The following ERCC6L variants were observed in gnomAD, a reference collection of about 807,000 sequenced individuals.
ERCC6L encodes the protein ERCC excision repair 6 like, spindle assembly checkpoint helicase.
ERCC6L carries 7 observed loss-of-function variants against 20.1 expected under a neutral mutation model. That is an observed-to-expected ratio of 0.35 (90% confidence interval 0.20 to 0.65). The LOEUF is 0.65. ERCC6L is among the 30% of genes least tolerant of loss of function. ERCC6L has a pLI of 0.69. For missense variants in ERCC6L, 592 were observed against 892.4 expected (o/e 0.66, Z 4.29); for synonymous variants, 278 against 331.3 (o/e 0.84, Z 1.75).
At chrX:72,208,816 G>A (rs1003607995) in intron 1 of ERCC6L, 118 bp from the exon 2 acceptor site, 6 of 577,878 alleles carry the variant, frequency 1.0e-5, no homozygotes, top group African/African-American at 2.3e-5. Flanking sequence ...CTCAATTCAG[G>A]ATGGGAAAGA....
At chrX:72,224,213 CTGT>C (rs2042941848) in intron 1 of ERCC6L, among the ~76,000 whole-genome samples, 1 of 111,420 alleles carries the variant, frequency 9.0e-6, no homozygotes, top group Non-Finnish European at 1.9e-5. Context: ...TCATAATTTT[CTGT>C]TGTTGGCATG....
intron 1 of ERCC6L, among the ~76,000 whole-genome samples, chrX:72,215,267 G>T (rs887977108): frequency 3.9e-4 from 44 of 111,550 alleles, no homozygotes; most frequent in African/African-American, 1.4e-3. Flanking sequence ...CACTTTCTGG[G>T]GTGATAATAG....
At chrX:72,237,275 T>C (rs1260303472) in intron 1 of ERCC6L, among the ~76,000 whole-genome samples, 3 of 111,362 alleles carry the variant, frequency 2.7e-5, no homozygotes, top group East Asian at 2.8e-4. Flanking sequence ...GGCAGGAGGA[T>C]TGCTTGAACT....
intron 1 of ERCC6L, among the ~76,000 whole-genome samples, chrX:72,216,977 G>A (rs1317766681): frequency 2.7e-5 from 3 of 112,410 alleles, no homozygotes; most frequent in Non-Finnish European, 5.6e-5. Context: ...TTTCTGCTGA[G>A]GAACATTGGC....
intron 1 of ERCC6L, among the ~76,000 whole-genome samples, chrX:72,218,618 C>T (rs1351692262): frequency 1.8e-5 from 2 of 109,397 alleles, no homozygotes; most frequent in Non-Finnish European, 3.8e-5. Flanking sequence ...CTCAACCTCC[C>T]GAGCAGCTGG....
chrX:72,205,281 C>T lies in ERCC6L; in HGVS notation c.3486G>A (p.Thr1162=), dbSNP rs147364154. 6.6e-6 allele frequency: 8 copies of T among 1,210,362 alleles called. No individual in the cohort carries two copies. The highest frequency in any genetic ancestry group is 5.2e-5 in the African/African-American group (3 of 57,298). ...CTTGAGCTAGAGCACTAGGCTTAGA[C>T]GTCATTAACCAGCTGGACTTGTTTT... The part of the protein sequence containing the change: ...SSENKSSWLM[T]SKPSALAQET... The change falls in exon 2 of 2, where the codon ACG becomes ACA. Residue 1162 remains threonine (T), a synonymous_variant. Transcript: ENST00000334463.
intron 1 of ERCC6L, among the ~76,000 whole-genome samples, chrX:72,233,670 C>T (rs1232306917): frequency 2.9e-5 from 3 of 102,097 alleles, no homozygotes; most frequent in East Asian, 3.4e-4. Flanking sequence ...TACAGTGAGC[C>T]GAGATTGCGC....
chrX:72,205,034 T>C lies in ERCC6L; in HGVS notation c.3733A>G (p.Lys1245Glu). Residue 1245 changes from lysine (K) to glutamate (E), a missense_variant, in exon 2 of 2, where the codon AAG becomes GAG. Lys to Glu is a moderately conservative substitution (Grantham distance 56). Around this residue, in one of 3 missense-constraint regions of ERCC6L, gnomAD observed 352 missense variants for 402.6 expected, o/e 0.87. Transcript: ENST00000334463. Reference sequence around the variant, plus strand: ...CATTCTCAATTGTTATTAAGTTGCTTATACAAACTTAAAGTCAAGAGCATA... The same window carrying C: ...CATTCTCAATTGTTATTAAGTTGCTCATACAAACTTAAAGTCAAGAGCATA... ...EVMLLTLSLY[K>E]QLNNN 2 of 1,197,075 alleles carry C rather than the reference T, an allele frequency of 1.7e-6. No individual in the cohort carries two copies. Among genetic ancestry groups the C allele is most frequent in the Non-Finnish European group, 2.3e-6 (2 of 887,845 alleles).
chrX:72,207,770 C>T lies in ERCC6L; in HGVS notation c.997G>A (p.Val333Ile), dbSNP rs746565139. ...PYFLRRTKED[V>I]QKKKSSNPEA... is the part of the protein sequence containing the mutation. The stretch of plus-strand genomic sequence containing the variant: ...GGGTTGCTTGACTTTTTCTTCTGTA[C>T]GTCTTCTTTAGTCCTCCTGAGAAAA... The change falls in exon 2 of 2, where the codon GTA (valine) becomes ATA (isoleucine). Residue 333 changes from valine to isoleucine, a missense_variant. Physicochemically the swap from Val to Ile is conservative, Grantham distance 29. Around this residue, in one of 3 missense-constraint regions of ERCC6L, gnomAD observed 196 missense variants for 440.1 expected, o/e 0.45. Transcript: ENST00000334463. The T allele has an allele frequency of 3.3e-6, 4 of 1,209,009 alleles. No individual in the cohort carries two copies. The highest frequency in any genetic ancestry group is 3.5e-5 in the South Asian group (2 of 56,641).
chrX:72,204,871 G>A lies in ERCC6L; in HGVS notation c.*143C>T. 2.4e-6 allele frequency: 1 copy of A among 417,652 alleles called. No homozygotes were observed. Among genetic ancestry groups the A allele is most frequent in the Non-Finnish European group, 4.0e-6 (1 of 249,649 alleles). The allele number at this position is 417,652 out of a possible 1,213,427, so 34.4% of individuals were successfully genotyped here. A position where few individuals can be genotyped will look rare whatever the true frequency, so the allele number is the denominator to read the frequency against. The stretch of plus-strand genomic sequence containing the variant: ...TCAGAATACCAGACTATGGAGTGGG[G>A]GGCGTTGCAGGGCAGAAGTTGCTTT... On this transcript the variant is annotated 3_prime_UTR_variant, in exon 2 of 2. Transcript: ENST00000334463.
In ERCC6L at chrX:72,205,800, T is replaced by C. The variant is rs775828642; in HGVS notation, c.2967A>G (p.Arg989=). The part of the protein sequence containing the change: ...NSLCGSAPNS[R]AGFVHSKTCL... ...ATGTTTTGCTATGCACAAACCCTGC[T>C]CTGGAATTAGGTGCAGAGCCACACA... Residue 989 remains arginine (R), a synonymous_variant, in exon 2 of 2, where the codon AGA becomes AGG. Transcript: ENST00000334463. The C allele has an allele frequency of 9.9e-6, 12 of 1,210,534 alleles. No homozygotes were observed. In the African/African-American group the frequency reaches 1.6e-4, roughly 16 times the overall value.
At chrX:72,218,577 T>G (rs1277502110) in intron 1 of ERCC6L, among the ~76,000 whole-genome samples, 1 of 107,400 alleles carries the variant, frequency 9.3e-6, no homozygotes, top group Non-Finnish European at 1.9e-5. Context: ...CACTGCAACC[T>G]CTGCCTCCCA....
chrX:72,237,522 CG>C (rs890990580), intron 1 of ERCC6L, among the ~76,000 whole-genome samples: 35 of 109,443 alleles, frequency 3.2e-4, no homozygotes, highest in Non-Finnish European at 5.5e-4. Flanking sequence ...GGCGTGAACC[CG>C]GAAGGCGGAG....
Position 72,207,429 on chromosome X carries a change from A to G in ERCC6L, c.1338T>C (p.His446=), listed in dbSNP as rs989027346. 1.7e-6 allele frequency: 2 copies of G among 1,211,316 alleles called. No individual in the cohort carries two copies. The highest frequency in any genetic ancestry group is 1.1e-6 in the Non-Finnish European group (1 of 895,375). The part of the protein sequence containing the change: ...NEGEDSPDVD[H]IDQVTDDTLM... ...ATGTGTCATCAGTTACTTGATCAAT[A>G]TGGTCCACATCTGGGGAATCTTCCC... The change falls in exon 2 of 2, where the codon CAT becomes CAC. Residue 446 remains histidine, a synonymous_variant. Transcript: ENST00000334463.
intron 1 of ERCC6L, among the ~76,000 whole-genome samples, chrX:72,215,837 G>A (rs2042884491): frequency 1.8e-5 from 2 of 110,182 alleles, no homozygotes; most frequent in African/African-American, 3.3e-5. Flanking sequence ...TTTCCCTCCC[G>A]CTTGGGTTCA....
At chrX:72,236,538 C>T (rs2043018261) in intron 1 of ERCC6L, among the ~76,000 whole-genome samples, 1 of 111,693 alleles carries the variant, frequency 9.0e-6, no homozygotes, top group South Asian at 3.7e-4. Context: ...TCGTGATGCA[C>T]CTGCCTCGCC....
rs1394311960 is a variant in ERCC6L, at chrX:72,205,386, T to C, written c.3381A>G (p.Pro1127=). The part of the protein sequence containing the change: ...SSEAKGPEDY[P]EEGVEESSGE... Reference sequence around the variant, plus strand: ...CACTGCTTTCCTCCACCCCTTCTTCTGGATAATCTTCAGGACCCTTTGCTT... The same window carrying C: ...CACTGCTTTCCTCCACCCCTTCTTCCGGATAATCTTCAGGACCCTTTGCTT... Residue 1127 remains proline (P), a synonymous_variant, in exon 2 of 2, where the codon CCA becomes CCG. Coordinates refer to ENST00000334463, the MANE Select transcript of ERCC6L (RefSeq NM_017669.4). 1 of 1,212,143 alleles carries C rather than the reference T, an allele frequency of 8.2e-7. No homozygotes were observed. The highest frequency in any genetic ancestry group is 1.1e-6 in the Non-Finnish European group (1 of 895,601).
chrX:72,222,838 C>T (rs907779415), intron 1 of ERCC6L, among the ~76,000 whole-genome samples: 25 of 106,133 alleles, frequency 2.4e-4, no homozygotes, highest in African/African-American at 7.5e-4. Flanking sequence ...CCTCGTGATC[C>T]ACCCGCCTCG....
chrX:72,235,537 A>G (rs1354669169), intron 1 of ERCC6L, among the ~76,000 whole-genome samples: 3 of 110,428 alleles, frequency 2.7e-5, no homozygotes, highest in Admixed American at 9.7e-5. Flanking sequence ...CTGGGATTAC[A>G]GGCGTGTACC....
Sources: allele counts gnomAD v4.1 joint callset (sites outside exome capture counted in the v4.1 genomes callset), GRCh38; gene constraint gnomAD v4.1.1; regional missense constraint gnomAD v4.1.1; transcripts MANE v1.5; gene names NCBI Gene and HGNC (gene_info 2026-07-23, HGNC 2026-07-21).